The following STMN2 variants were observed in gnomAD, a reference collection of about 807,000 sequenced individuals.
STMN2 encodes stathmin-2.
Under a neutral mutation model 24.1 loss-of-function variants are expected in STMN2, and 2 were observed. The observed-to-expected ratio is 0.08, with a 90% CI of 0.03 to 0.26. STMN2 has a LOEUF of 0.26. Among genes scored for constraint, STMN2 ranks in the 10% least tolerant of loss-of-function variants. STMN2 has a pLI of 1.00. For synonymous variants in STMN2, 83 were observed against 77.5 expected (o/e 1.07, Z -0.37); for missense variants, 114 against 213.6 (o/e 0.53, Z 2.91).
chr8:79,611,128 T>G lies in STMN2; in HGVS notation c.-68T>G. On this transcript the variant is annotated 5_prime_UTR_variant, in exon 1 of 5. Transcript: ENST00000220876. ...TCAGTGCCTTATTCAGTCTTCTCTC[T>G]CGCTCTCTCCGCTGCTGTAGCCGGA... 22 of 1,609,100 alleles carry G rather than the reference T, an allele frequency of 1.4e-5. No individual in the cohort carries two copies. Among genetic ancestry groups the G allele is most frequent in the Non-Finnish European group, 1.8e-5 (21 of 1,176,740 alleles).
rs1806589676 is a variant in STMN2 at position 79,666,076 on chromosome 8, A to C, written c.*1202A>C. 6.6e-6 allele frequency: 1 copy of C among 152,126 alleles called. No individual in the cohort carries two copies. The highest frequency in any genetic ancestry group is 2.1e-4 in the South Asian group (1 of 4,832). The allele number at this position is 152,126 out of a possible 1,614,324, so 9.4% of individuals were successfully genotyped here. A position where few individuals can be genotyped will look rare whatever the true frequency, so the allele number is the denominator to read the frequency against. On this transcript the variant is annotated 3_prime_UTR_variant, in exon 5 of 5. Transcript: ENST00000220876. ...AACTCCTGAAGGTTGCTGCCTGCAT[A>C]TTTACTCTTCATTAGTGCTATTTTC...
At chr8:79,657,755 T>TATCAA (rs1806408777) in intron 4 of STMN2, among the ~76,000 whole-genome samples, 1 of 152,270 alleles carries the variant, frequency 6.6e-6, no homozygotes, top group Admixed American at 6.5e-5. Context: ...ATTTGATGTA[T>TATCAA]ATCACATAGG....
In STMN2 at chr8:79,653,800, GAGAA is replaced by G. The variant is rs1347112945; in HGVS notation, c.289-1069_289-1066del. On this transcript the variant is annotated intron_variant, in intron 3 of 4. Coordinates refer to ENST00000220876, the MANE Select transcript of STMN2 (RefSeq NM_007029.4). ...TTGCCTCGGGGCATCAGCTGATCCTGAGAAATTATCCAGAAGCCATGAGTGTGTA... is the reference window on the plus strand; with the variant it reads ...TTGCCTCGGGGCATCAGCTGATCCTGATTATCCAGAAGCCATGAGTGTGTA... 3.8e-4 allele frequency among the ~76,000 whole-genome samples: 58 copies of G among 152,318 alleles called. 1 individual carries two copies. Among genetic ancestry groups the G allele is most frequent in the South Asian group, 2.7e-3 (13 of 4,822 alleles).
Position 79,665,684 on chromosome 8 carries a change from A to G in STMN2, c.*810A>G, listed in dbSNP as rs1806583407. 6.5e-6 allele frequency: 1 copy of G among 154,392 alleles called. No homozygotes were observed. Among genetic ancestry groups the G allele is most frequent in the Non-Finnish European group, 1.5e-5 (1 of 68,224 alleles). The allele number at this position is 154,392 out of a possible 1,614,324, so 9.6% of individuals were successfully genotyped here. A position where few individuals can be genotyped will look rare whatever the true frequency, so the allele number is the denominator to read the frequency against. Reference sequence around the variant, plus strand: ...TAGTTTAAGTTCTTTTGATGGAATGAATTAATTAATGTGTCAGGTGGCTTA... The same window carrying G: ...TAGTTTAAGTTCTTTTGATGGAATGGATTAATTAATGTGTCAGGTGGCTTA... On this transcript the variant is annotated 3_prime_UTR_variant, in exon 5 of 5. Transcript: ENST00000220876.
intron 1 of STMN2, among the ~76,000 whole-genome samples, chr8:79,618,772 AGTGTAAAG>A (rs1809443809): frequency 6.6e-6 from 1 of 152,120 alleles, no homozygotes; most frequent in African/African-American, 2.4e-5. Context: ...CTTTTATATG[AGTGTAAAG>A]GTTAATTAAT....
chr8:79,631,479 T>G, intron 1 of STMN2: 3 of 974,824 alleles, frequency 3.1e-6, no homozygotes, highest in Non-Finnish European at 3.7e-6. Context: ...CATTACATCA[T>G]CACAGCAGAA....
At chr8:79,624,192 C>T (rs1359520676) in intron 1 of STMN2, among the ~76,000 whole-genome samples, 3 of 152,104 alleles carry the variant, frequency 2.0e-5, no homozygotes, top group Non-Finnish European at 2.9e-5. Flanking sequence ...TGGTGGCTCA[C>T]ACCTGTAATC....
chr8:79,651,295 A>G (rs536463047), intron 3 of STMN2, among the ~76,000 whole-genome samples: 30 of 152,344 alleles, frequency 2.0e-4, no homozygotes, highest in African/African-American at 6.7e-4. Context: ...ATTGTGCTAA[A>G]GAAATGCACT....
At chr8:79,626,480 A>G (rs925727461) in intron 1 of STMN2, among the ~76,000 whole-genome samples, 2 of 152,240 alleles carry the variant, frequency 1.3e-5, no homozygotes, top group Admixed American at 1.3e-4. Context: ...AGGGCCAAGG[A>G]AAAGAAGTAT....
At chr8:79,645,523 A>G (rs1810199328) in intron 3 of STMN2, among the ~76,000 whole-genome samples, 1 of 152,204 alleles carries the variant, frequency 6.6e-6, no homozygotes, top group Non-Finnish European at 1.5e-5. Context: ...AGTTTTTAAA[A>G]TCCATACCAG....
At chr8:79,658,700 C>T (rs1355022396) in intron 4 of STMN2, among the ~76,000 whole-genome samples, 1 of 152,200 alleles carries the variant, frequency 6.6e-6, no homozygotes, top group Non-Finnish European at 1.5e-5. Flanking sequence ...AGCACTCAGT[C>T]GCTCTTCCCT....
At chr8:79,655,751 T>G (rs189831767) in intron 4 of STMN2, among the ~76,000 whole-genome samples, 1 of 152,282 alleles carries the variant, frequency 6.6e-6, no homozygotes, top group East Asian at 1.9e-4. Flanking sequence ...CTCCCACCTA[T>G]CCCCTCAAAA....
intron 1 of STMN2, among the ~76,000 whole-genome samples, chr8:79,617,866 A>C (rs1422732959): frequency 1.3e-5 from 2 of 152,254 alleles, no homozygotes; most frequent in East Asian, 3.8e-4. Flanking sequence ...TATAACATGC[A>C]AGGCATTGTT....
chr8:79,662,700 C>T (rs1446571468), intron 4 of STMN2, among the ~76,000 whole-genome samples: 1 of 152,056 alleles, frequency 6.6e-6, no homozygotes, highest in Non-Finnish European at 1.5e-5. Flanking sequence ...ATGGCAAAAT[C>T]CATTTTGTTA....
At chr8:79,616,775 C>T (rs1167514312) in intron 1 of STMN2, among the ~76,000 whole-genome samples, 1 of 152,138 alleles carries the variant, frequency 6.6e-6, no homozygotes, top group Non-Finnish European at 1.5e-5. Flanking sequence ...TGTTCTGCCC[C>T]ATCACTCTCT....
intron 1 of STMN2, among the ~76,000 whole-genome samples, chr8:79,614,823 T>G (rs1403201613): frequency 1.3e-5 from 2 of 152,236 alleles, no homozygotes; most frequent in Non-Finnish European, 2.9e-5. Flanking sequence ...AAACTTTTAT[T>G]TGTTGCATTG....
chr8:79,664,280 C>T (rs889074136), intron 4 of STMN2, among the ~76,000 whole-genome samples: 2 of 152,146 alleles, frequency 1.3e-5, no homozygotes, highest in Non-Finnish European at 2.9e-5. Context: ...AAGACAATTC[C>T]ATTAAACTGA....
At chr8:79,636,131 C>T (rs982384659) in intron 1 of STMN2, among the ~76,000 whole-genome samples, 7 of 152,170 alleles carry the variant, frequency 4.6e-5, no homozygotes, top group Admixed American at 4.6e-4. Flanking sequence ...GGGGGAACAT[C>T]ACTTGAGCCC....
intron 3 of STMN2, among the ~76,000 whole-genome samples, chr8:79,654,346 G>C (rs1810400417): frequency 6.6e-6 from 1 of 151,854 alleles, no homozygotes; most frequent in Non-Finnish European, 1.5e-5. Flanking sequence ...TTGGTGTATG[G>C]GGGATAGGGA....
Sources: allele counts gnomAD v4.1 joint callset (sites outside exome capture counted in the v4.1 genomes callset), GRCh38; gene constraint gnomAD v4.1.1; transcripts MANE v1.5; gene names NCBI Gene and HGNC (gene_info 2026-07-23, HGNC 2026-07-21).